Variants in PACRGL observed in about 807,000 individuals in gnomAD.
PACRGL encodes parkin coregulated like.
PACRGL carries 38 observed loss-of-function variants against 34.5 expected under a neutral mutation model. The observed-to-expected ratio is 1.10, with a 90% CI of 0.85 to 1.44. PACRGL has a LOEUF of 1.44. Ranked by LOEUF, PACRGL falls within the 40% of genes most tolerant of loss-of-function variation. The pLI is 0.00. For synonymous variants in PACRGL, 128 were observed against 100.1 expected (o/e 1.28, Z -1.66); for missense variants, 305 against 281.4 (o/e 1.08, Z -0.60).
chr4:20,732,725 G>A (rs748116214), downstream of PACRGL: 1 of 1,612,874 alleles, frequency 6.2e-7, no homozygotes, highest in Non-Finnish European at 8.5e-7. Context: ...TCTTCTTTGA[G>A]GACAGGATAT....
At chr4:20,744,070 C>G (rs1751837570) in intron 8 of PACRGL, among the ~76,000 whole-genome samples, 1 of 152,194 alleles carries the variant, frequency 6.6e-6, no homozygotes, top group Non-Finnish European at 1.5e-5. Flanking sequence ...GAGATACCAT[C>G]TCACACCAGT....
chr4:20,712,413 C>G (rs1263107261), intron 5 of PACRGL, among the ~76,000 whole-genome samples: 1 of 151,394 alleles, frequency 6.6e-6, no homozygotes, highest in Non-Finnish European at 1.5e-5. Flanking sequence ...ATAAAAAATA[C>G]AAATAATACA....
chr4:20,737,093 A>G (rs1749793989), downstream of PACRGL, among the ~76,000 whole-genome samples: 1 of 152,210 alleles, frequency 6.6e-6, no homozygotes. Flanking sequence ...TGGCAACTGG[A>G]TCACCATACT....
chr4:20,698,916 G>A (rs994218691), upstream of PACRGL, among the ~76,000 whole-genome samples: 3 of 152,064 alleles, frequency 2.0e-5, no homozygotes, highest in African/African-American at 4.8e-5. Context: ...TTTAAGTCTC[G>A]CAATAACCCA....
downstream of PACRGL, among the ~76,000 whole-genome samples, chr4:20,733,476 T>G (rs755941683): frequency 4.6e-5 from 7 of 152,154 alleles, no homozygotes; most frequent in Non-Finnish European, 7.3e-5. Context: ...ATCTCTCAAT[T>G]AGGTTAATAC....
chr4:20,745,797 TCCTGACTCC>T (rs1039863700), intron 8 of PACRGL, among the ~76,000 whole-genome samples: 3 of 152,168 alleles, frequency 2.0e-5, no homozygotes, highest in East Asian at 1.9e-4. Flanking sequence ...GGGACAATCC[TCCTGACTCC>T]CCTGACTCCC....
At chr4:20,753,809 T>C (rs948689480), downstream of PACRGL, among the ~76,000 whole-genome samples, 3 of 152,234 alleles carry the variant, frequency 2.0e-5, no homozygotes, top group Non-Finnish European at 4.4e-5. Context: ...TTTATTTTAA[T>C]CTTTATGTCT....
rs985816723 is a variant in PACRGL at position 20,731,235 on chromosome 4, A to AACTT, written c.*3896_*3899dup. ...CAGCCACGTGCCACCGTGCCCAGCT[A>AACTT]ACTTAATTTTTTTTTGTAGAGATAG... On this transcript the variant is annotated 3_prime_UTR_variant, in exon 9 of 9. Coordinates refer to ENST00000503585, the MANE Select transcript of PACRGL (RefSeq NM_001258345.3). The AACTT allele has an allele frequency of 8.3e-6, 2 of 240,710 alleles. No homozygotes were observed. Among genetic ancestry groups the AACTT allele is most frequent in the African/African-American group, 2.3e-5 (1 of 42,850 alleles). 14.9% of individuals were successfully genotyped at this position (240,710 alleles called of 1,614,324 possible).
At chr4:20,703,474 ATGAGTGTGTGTGTGTGTGTG>A (rs1454902350) in intron 1 of PACRGL, among the ~76,000 whole-genome samples, 1 of 96,004 alleles carries the variant, frequency 1.0e-5, no homozygotes, top group African/African-American at 4.5e-5. Flanking sequence ...ACTTGGGTAT[ATGAGTGTGTGTGTGTGTGTG>A]TGTGTGTGTG....
At chr4:20,725,470 G>A (rs10516361) in intron 8 of PACRGL, among the ~76,000 whole-genome samples, 9,267 of 152,164 alleles carry the variant, frequency 0.061, 335 homozygotes, top group Admixed American at 0.098. Context: ...ACTGTATGGT[G>A]TCAGATTACT....
At chr4:20,734,681 T>C (rs200994263), downstream of PACRGL, 6 of 1,603,972 alleles carry the variant, frequency 3.7e-6, no homozygotes, top group Non-Finnish European at 5.1e-6. Flanking sequence ...AATGCCCAAT[T>C]GAGTTTTTCT....
At chr4:20,763,276 G>A in the PACRGL span, among the ~76,000 whole-genome samples, 1 of 152,132 alleles carries the variant, frequency 6.6e-6, no homozygotes, top group Admixed American at 6.6e-5. Context: ...TTTTTTGGAT[G>A]AGGGATAGTC....
intron 5 of PACRGL, among the ~76,000 whole-genome samples, chr4:20,712,010 T>A (rs1737490913): frequency 6.6e-6 from 1 of 152,132 alleles, no homozygotes; most frequent in Non-Finnish European, 1.5e-5. Context: ...CTTATAGCCA[T>A]GCATTCATAA....
At chr4:20,745,090 A>T (rs1257599128) in intron 8 of PACRGL, among the ~76,000 whole-genome samples, 3 of 152,196 alleles carry the variant, frequency 2.0e-5, no homozygotes, top group Admixed American at 6.5e-5. Context: ...CTTGCTCAAC[A>T]GGAGCAATGA....
chr4:20,711,715 A>G (rs1210569330), intron 5 of PACRGL, among the ~76,000 whole-genome samples: 3 of 152,062 alleles, frequency 2.0e-5, no homozygotes, highest in African/African-American at 4.8e-5. Context: ...AAAAAGTCAG[A>G]TGGCCCTTTT....
At chr4:20,722,732 C>G (rs1412796694) in intron 7 of PACRGL, among the ~76,000 whole-genome samples, 1 of 152,154 alleles carries the variant, frequency 6.6e-6, no homozygotes, top group Non-Finnish European at 1.5e-5. Flanking sequence ...CCCATGTTGA[C>G]AAGGATACCC....
chr4:20,722,096 G>T (rs1224702278), intron 7 of PACRGL, among the ~76,000 whole-genome samples: 1 of 152,244 alleles, frequency 6.6e-6, no homozygotes, highest in African/African-American at 2.4e-5. Context: ...CAATGAGCGA[G>T]GCTCCATGGG....
At chr4:20,752,502 A>G (rs994360390) in intron 8 of PACRGL, 2 of 152,250 alleles carry the variant, frequency 1.3e-5, no homozygotes, top group African/African-American at 4.8e-5. Flanking sequence ...CCTTAAACAC[A>G]TGTGATCAAA....
In PACRGL at chr4:20,726,644, T is replaced by C. The variant is rs12649971; in HGVS notation, c.691-641T>C. Among the ~76,000 whole-genome samples the C allele has an allele frequency of 2.3e-3, 354 of 152,296 alleles. 8 individuals are homozygous for C. The South Asian group carries it at 0.046, about 20-fold the overall frequency. ...AGTCTTTAAAAATGAGTGTTCTCAG[T>C]TGTGGTTTCTCATTTCTTGGGACTT... On this transcript the variant is annotated intron_variant, in intron 8 of 8. Coordinates refer to ENST00000503585, the MANE Select transcript of PACRGL (RefSeq NM_001258345.3).
Sources: gnomAD v4.1 joint callset for allele counts (sites outside exome capture counted in the v4.1 genomes callset) on GRCh38, gnomAD v4.1.1 for gene constraint, MANE v1.5 for transcripts, NCBI Gene and HGNC (gene_info 2026-07-23, HGNC 2026-07-21) for gene names.